The following RASAL3 variants were observed in gnomAD, a reference collection of about 807,000 sequenced individuals.
RASAL3 encodes RAS protein activator like-3.
RASAL3 carries 74 observed loss-of-function variants against 105.5 expected under a neutral mutation model. That is an observed-to-expected ratio of 0.70 (90% CI 0.58 to 0.85). RASAL3 has a LOEUF of 0.85. RASAL3 is among the 40% of genes least tolerant of loss of function. RASAL3 has a pLI of 0.00. For synonymous variants in RASAL3, 579 were observed against 591.6 expected, an observed-to-expected ratio of 0.98 and a Z score of 0.31; for missense variants, 1,352 against 1,392.0, an observed-to-expected ratio of 0.97 and a Z score of 0.46.
Position 15,461,056 on chromosome 19 carries a change from T to G in RASAL3, c.606+4A>C, listed in dbSNP as rs762959097. ...CTACCTCCCACCTTCACTGGCTGCCTTACCCGAACGTTGTGGACCTGGTTG... is the reference window on the plus strand; with the variant it reads ...CTACCTCCCACCTTCACTGGCTGCCGTACCCGAACGTTGTGGACCTGGTTG... On this transcript the variant is annotated splice_donor_region_variant and intron_variant, in intron 5 of 17. Transcript: ENST00000343625. The G allele has an allele frequency of 5.6e-6, 9 of 1,613,744 alleles. No individual in the cohort carries two copies. Among genetic ancestry groups the G allele is most frequent in the Admixed American group, 3.3e-5 (2 of 60,002 alleles).
In RASAL3 at chr19:15,457,455, C is replaced by T. The variant is rs749240512; in HGVS notation, c.1268G>A (p.Arg423His). ...GCGCTCGGACGGCAGCACGCGCAGGCGACGCGCCCGAATCCGCGCCCGCAG... is the reference window on the plus strand; with the variant it reads ...GCGCTCGGACGGCAGCACGCGCAGGTGACGCGCCCGAATCCGCGCCCGCAG... ...AALRARIRAR[R>H]LRVLPSERYK... Residue 423 changes from arginine to histidine, a missense_variant, in exon 9 of 18, where the codon CGC (arginine) becomes CAC (histidine). Physicochemically the swap from Arg to His is conservative, Grantham distance 29 (BLOSUM62 0). Transcript: ENST00000343625. The surrounding 1 kb of genome is among the most constrained non-coding windows in gnomAD (Gnocchi z 8.6). 7.6e-5 allele frequency: 106 copies of T among 1,388,982 alleles called. No homozygotes were observed. The highest frequency in any genetic ancestry group is 2.2e-4 in the Middle Eastern group (1 of 4,452). The allele number at this position is 1,388,982 out of a possible 1,614,324, so 86.0% of individuals were successfully genotyped here. A position where few individuals can be genotyped will look rare whatever the true frequency, so the allele number is the denominator to read the frequency against.
Position 15,451,660 on chromosome 19 carries a change from A to G in RASAL3, c.*135T>C. ...TCAAGATTTTACTGGGCAACTTCAT[A>G]CTGCCAGAGTGGTTGGGACCAGCAG... On this transcript the variant is annotated 3_prime_UTR_variant, in exon 18 of 18. Coordinates refer to ENST00000343625, the MANE Select transcript of RASAL3 (RefSeq NM_022904.3). The G allele has an allele frequency of 2.2e-6, 2 of 903,576 alleles. 1 individual carries two copies. Among genetic ancestry groups the G allele is most frequent in the South Asian group, 4.5e-5 (2 of 44,346 alleles). The allele number at this position is 903,576 out of a possible 1,614,324, so 56.0% of individuals were successfully genotyped here.
chr19:15,464,174 G>T lies in RASAL3; in HGVS notation c.185C>A (p.Ala62Asp), dbSNP rs754330934. Residue 62 changes from alanine (A) to aspartate (D), a missense_variant, in exon 2 of 18, where the codon GCC becomes GAC. By Grantham distance (126) the Ala-to-Asp change is moderately radical (BLOSUM62 -2). Transcript: ENST00000343625. ...GACCCGACGGAATATCGAGCGAGGGGCTGGCTGGGTGCTGACCATGGGCTC... is the reference window on the plus strand; with the variant it reads ...GACCCGACGGAATATCGAGCGAGGGTCTGGCTGGGTGCTGACCATGGGCTC... ...HQEPMVSTQP[A>D]PRSIFRRVLS... The T allele has an allele frequency of 6.2e-7, 1 of 1,612,902 alleles. No individual in the cohort carries two copies. The highest frequency in any genetic ancestry group is 2.2e-5 in the East Asian group (1 of 44,836).
Position 15,454,719 on chromosome 19 carries a change from G to C in RASAL3, c.1896C>G (p.Pro632=). 6.2e-7 allele frequency: 1 copy of C among 1,610,954 alleles called. No individual in the cohort carries two copies. Among genetic ancestry groups the C allele is most frequent in the Non-Finnish European group, 8.5e-7 (1 of 1,178,624 alleles). The change falls in exon 12 of 18, where the codon CCC becomes CCG. Residue 632 remains proline, a synonymous_variant. Transcript: ENST00000343625. The part of the protein sequence containing the change: ...LFGLAPDHPA[P]GPARTLTLIA... Reference sequence around the variant, plus strand: ...TCAGTGTGAGGGTGCGGGCTGGGCCGGGTGCTGGATGGTCTGGTGCCAAAC... The same window carrying C: ...TCAGTGTGAGGGTGCGGGCTGGGCCCGGTGCTGGATGGTCTGGTGCCAAAC...
chr19:15,462,251 C>T (rs1404424176), intron 2 of RASAL3, among the ~76,000 whole-genome samples: 1 of 152,056 alleles, frequency 6.6e-6, no homozygotes, highest in Admixed American at 6.6e-5. Context: ...CTTTGGGAGG[C>T]CTAGGCGGGT....
chr19:15,458,125 G>A (rs546130282), intron 8 of RASAL3: 10 of 635,980 alleles, frequency 1.6e-5, no homozygotes, highest in East Asian at 8.2e-5. Flanking sequence ...ATATGGGGCC[G>A]GGAGTGGACA....
At position 15,454,906 on chromosome 19, in the gene RASAL3, A is replaced by T; in HGVS notation, c.1722-13T>A. On this transcript the variant is annotated splice_polypyrimidine_tract_variant and intron_variant, in intron 11 of 17. Coordinates refer to ENST00000343625, the MANE Select transcript of RASAL3 (RefSeq NM_022904.3). ...CGCAGGGAACCAGCTGGTGCAGAAG[A>T]GGCAATGAATGGTCAGACGGGGAGG... The T allele has an allele frequency of 1.3e-6, 2 of 1,537,414 alleles. No homozygotes were observed. Among genetic ancestry groups the T allele is most frequent in the Non-Finnish European group, 1.8e-6 (2 of 1,141,342 alleles).
At position 15,456,371 on chromosome 19, in the gene RASAL3, G is replaced by A. The variant is rs1343435838; in HGVS notation, c.1577-123C>T. On this transcript the variant is annotated intron_variant, in intron 10 of 17. Transcript: ENST00000343625. This position sits in a 1 kb window ranked among gnomAD's most constrained non-coding sequence, Gnocchi z 4.4. The stretch of plus-strand genomic sequence containing the variant: ...CCAACATCTTGGGGAGCTCCCAATT[G>A]TCCCCAGGATCCTAGCACCCCCAAA... 1 of 1,519,310 alleles carries A rather than the reference G, an allele frequency of 6.6e-7. No homozygotes were observed. The highest frequency in any genetic ancestry group is 8.9e-7 in the Non-Finnish European group (1 of 1,123,166). 94.1% of individuals were successfully genotyped at this position (1,519,310 alleles called of 1,614,324 possible). A position where few individuals can be genotyped will look rare whatever the true frequency, so the allele number is the denominator to read the frequency against.
In RASAL3 at chr19:15,453,657, T is replaced by A. The variant is rs575846495; in HGVS notation, c.2280-160A>T. 5.3e-5 allele frequency among the ~76,000 whole-genome samples: 8 copies of A among 151,880 alleles called. No homozygotes were observed. The highest frequency in any genetic ancestry group is 1.7e-4 in the African/African-American group (7 of 41,428). Reference sequence around the variant, plus strand: ...GTCGCCCAGGCTGGAGTGCAGTGGCTAGATCATAGCTCACTGCAGCCTTGA... The same window carrying A: ...GTCGCCCAGGCTGGAGTGCAGTGGCAAGATCATAGCTCACTGCAGCCTTGA... On this transcript the variant is annotated intron_variant, in intron 14 of 17. Transcript: ENST00000343625. The surrounding 1 kb of genome is among the most constrained non-coding windows in gnomAD (Gnocchi z 4.2).
In RASAL3 at chr19:15,454,013, T is replaced by G; in HGVS notation, c.2279+136A>C. The stretch of plus-strand genomic sequence containing the variant: ...ACACTGTGACCTTTGACCCAACCCT[T>G]TCTATAACCTGTGATTCCCGTCTGA... On this transcript the variant is annotated intron_variant, in intron 14 of 17. Coordinates refer to ENST00000343625, the MANE Select transcript of RASAL3 (RefSeq NM_022904.3). 4.4e-6 allele frequency: 3 copies of G among 675,406 alleles called. No homozygotes were observed. The East Asian group carries it at 8.2e-5, about 19-fold the overall frequency. 41.8% of individuals were successfully genotyped at this position (675,406 alleles called of 1,614,324 possible).
Position 15,453,322 on chromosome 19 carries a change from T to C in RASAL3, c.2455A>G (p.Ser819Gly). 1 of 1,475,084 alleles carries C rather than the reference T, an allele frequency of 6.8e-7. No individual in the cohort carries two copies. The highest frequency in any genetic ancestry group is 8.9e-7 in the Non-Finnish European group (1 of 1,118,314). 91.4% of individuals were successfully genotyped at this position (1,475,084 alleles called of 1,614,324 possible). The change falls in exon 15 of 18, where the codon AGT becomes GGT. Residue 819 changes from serine (S) to glycine (G), a missense_variant. Ser to Gly is a moderately conservative substitution (Grantham distance 56). This residue lies in a region of RASAL3 where 920 missense variants were observed against 919.6 expected (regional missense o/e 1.00). Transcript: ENST00000343625. This position sits in a 1 kb window ranked among gnomAD's most constrained non-coding sequence, Gnocchi z 4.2. Reference sequence around the variant, plus strand: ...CGGGCAGGACGCCGGACCGGGACACTCTGCGTGCGCTGCACCGGCCGGGGC... The same window carrying C: ...CGGGCAGGACGCCGGACCGGGACACCCTGCGTGCGCTGCACCGGCCGGGGC... Reference protein sequence around the residue: ...RRPRPVQRTQSVPVRRPARRR... With the variant: ...RRPRPVQRTQGVPVRRPARRR...
At chr19:15,460,401 C>T (rs1206540009) in intron 5 of RASAL3, 143 bp from the exon 6 acceptor site, 1 of 754,236 alleles carries the variant, frequency 1.3e-6, no homozygotes, top group African/African-American at 1.8e-5. Context: ...TAAGAGCAAT[C>T]AGCAGCTCCT....
At chr19:15,452,528 T>G in intron 16 of RASAL3, 130 bp downstream of exon 16, 1 of 773,284 alleles carries the variant, frequency 1.3e-6, no homozygotes, top group Non-Finnish European at 1.9e-6. Flanking sequence ...CTGGACAGAC[T>G]TATTGGGGCG....
Position 15,453,005 on chromosome 19 carries a change from C to T in RASAL3, c.2670+102G>A. On this transcript the variant is annotated intron_variant, in intron 15 of 17. Coordinates refer to ENST00000343625, the MANE Select transcript of RASAL3 (RefSeq NM_022904.3). This position sits in a 1 kb window ranked among gnomAD's most constrained non-coding sequence, Gnocchi z 4.2. Reference sequence around the variant, plus strand: ...GGGCTAGGCCTGGGGTCACACAGCACAGCGAGCTGGGTACTTGAACCCAGA... The same window carrying T: ...GGGCTAGGCCTGGGGTCACACAGCATAGCGAGCTGGGTACTTGAACCCAGA... The T allele has an allele frequency of 6.5e-7, 1 of 1,539,726 alleles. No individual in the cohort carries two copies. The highest frequency in any genetic ancestry group is 8.8e-7 in the Non-Finnish European group (1 of 1,138,282).
At position 15,451,766 on chromosome 19, in the gene RASAL3, A is replaced by G. The variant is rs751744436; in HGVS notation, c.*29T>C. On this transcript the variant is annotated 3_prime_UTR_variant, in exon 18 of 18. Transcript: ENST00000343625. ...AAGATGGCTATCTCTCTGCTCCCAG[A>G]CCACGTGTGATGAGGCAGGATGGGC... 2 of 1,571,450 alleles carry G rather than the reference A, an allele frequency of 1.3e-6. No individual in the cohort carries two copies. Among genetic ancestry groups the G allele is most frequent in the Non-Finnish European group, 1.7e-6 (2 of 1,151,900 alleles).
In RASAL3 at chr19:15,453,334, G is replaced by A. The variant is rs1970218017; in HGVS notation, c.2443C>T (p.Gln815Ter). ...ERPLRRPRPV[Q>*]RTQSVPVRRP... Reference sequence around the variant, plus strand: ...CGGACCGGGACACTCTGCGTGCGCTGCACCGGCCGGGGCCGCCGCAGGGGC... The same window carrying A: ...CGGACCGGGACACTCTGCGTGCGCTACACCGGCCGGGGCCGCCGCAGGGGC... The change falls in exon 15 of 18, where the codon CAG becomes TAG. Residue 815 changes from glutamine (Q) to a stop codon, truncating the protein, a stop_gained. Coordinates refer to ENST00000343625, the MANE Select transcript of RASAL3 (RefSeq NM_022904.3). LOFTEE classifies it high-confidence loss of function. This position sits in a 1 kb window ranked among gnomAD's most constrained non-coding sequence, Gnocchi z 4.2. The A allele has an allele frequency of 1.4e-6, 2 of 1,437,084 alleles. No homozygotes were observed. Among genetic ancestry groups the A allele is most frequent in the South Asian group, 2.9e-5 (2 of 68,656 alleles). The allele number at this position is 1,437,084 out of a possible 1,614,324, so 89.0% of individuals were successfully genotyped here. A position where few individuals can be genotyped will look rare whatever the true frequency, so the allele number is the denominator to read the frequency against.
At chr19:15,460,923 T>C in intron 5 of RASAL3, 137 bp downstream of exon 5, 5 of 759,524 alleles carry the variant, frequency 6.6e-6, no homozygotes, top group Non-Finnish European at 1.1e-5. Flanking sequence ...TTAGCTTCAT[T>C]TGACAGACTG....
At chr19:15,458,506 C>T (rs780067052) in intron 7 of RASAL3, 23 bp downstream of exon 7, 45 of 1,613,528 alleles carry the variant, frequency 2.8e-5, no homozygotes, top group Non-Finnish European at 9.3e-6. Context: ...GAGGTGGAAT[C>T]GAGGTGGACT....
In RASAL3 at chr19:15,460,248, T is replaced by C; in HGVS notation, c.617A>G (p.Lys206Arg). Residue 206 changes from lysine to arginine, a missense_variant, in exon 6 of 18, where the codon AAG (lysine) becomes AGG (arginine). By Grantham distance (26) the Lys-to-Arg change is conservative (BLOSUM62 2). Transcript: ENST00000343625. The part of the protein sequence containing the change: ...NQVHNVRGLL[K>R]RLKEKKKARL... ...GGCCTTTTTCTTCTCTTTCAGCCTC[T>C]TGAGCAACCCCTGTGGGGAAGGGAA... The C allele has an allele frequency of 6.2e-7, 1 of 1,608,596 alleles. No homozygotes were observed. The highest frequency in any genetic ancestry group is 8.5e-7 in the Non-Finnish European group (1 of 1,177,566).
Sources: allele counts gnomAD v4.1 joint callset (sites outside exome capture counted in the v4.1 genomes callset), GRCh38; gene constraint gnomAD v4.1.1; regional missense constraint gnomAD v4.1.1; non-coding constraint Gnocchi (gnomAD v3.1); transcripts MANE v1.5; gene names NCBI Gene and HGNC (gene_info 2026-07-23, HGNC 2026-07-21).